Variants in PFKFB2 observed in about 807,000 individuals in gnomAD.
PFKFB2 encodes 6-phosphofructo-2-kinase/fructose-2,6-biphosphatase 2.
A neutral mutation model predicts 68.0 loss-of-function variants in PFKFB2; 53 were observed. That is an observed-to-expected ratio of 0.78 (90% CI 0.63 to 0.98). The LOEUF is 0.98. PFKFB2 is among the 50% of genes least tolerant of loss of function. PFKFB2 has a pLI of 0.00. For missense variants in PFKFB2, 451 were observed against 642.0 expected (o/e 0.70, Z 3.22); for synonymous variants, 222 against 227.6 (o/e 0.98, Z 0.22).
chr1:207,065,323 G>T, intron 8 of PFKFB2, 163 bp downstream of exon 8: 2 of 983,750 alleles, frequency 2.0e-6, no homozygotes, highest in Non-Finnish European at 2.4e-6. Flanking sequence ...TATGTGGATT[G>T]CATCTTGTAC....
chr1:207,052,090 CA>C (rs1253753101), upstream of PFKFB2: 25 of 1,025,364 alleles, frequency 2.4e-5, no homozygotes, highest in South Asian at 1.6e-4. Flanking sequence ...GGGATTCAGA[CA>C]GCAAGTCCCA....
At chr1:207,049,562 C>T (rs1402215524), upstream of PFKFB2, 6 of 1,614,024 alleles carry the variant, frequency 3.7e-6, no homozygotes, top group African/African-American at 1.3e-5. Flanking sequence ...CCTCCTTCGA[C>T]GACATAGTAC....
upstream of PFKFB2, chr1:207,051,018 C>T (rs906407342): frequency 1.3e-6 from 2 of 1,510,818 alleles, no homozygotes; most frequent in Non-Finnish European, 1.8e-6. Context: ...CGACCTTTAG[C>T]GGGGCCAAAC....
Position 207,063,693 on chromosome 1 carries a change from G to A in PFKFB2, c.451-80G>A. ...AAATCCTGGGAGATGTGGTGGCTGGGTGGGGTAGATGAGCATGTGCTCTTA... is the reference window on the plus strand; with the variant it reads ...AAATCCTGGGAGATGTGGTGGCTGGATGGGGTAGATGAGCATGTGCTCTTA... On this transcript the variant is annotated intron_variant, in intron 6 of 14. Transcript: ENST00000367080. The surrounding 1 kb of genome is among the most constrained non-coding windows in gnomAD (Gnocchi z 4.1). 1 of 1,149,916 alleles carries A rather than the reference G, an allele frequency of 8.7e-7. No homozygotes were observed. Among genetic ancestry groups the A allele is most frequent in the South Asian group, 1.2e-5 (1 of 81,432 alleles). The allele number at this position is 1,149,916 out of a possible 1,614,324, so 71.2% of individuals were successfully genotyped here. A position where few individuals can be genotyped will look rare whatever the true frequency, so the allele number is the denominator to read the frequency against.
Position 207,071,694 on chromosome 1 carries a change from T to G in PFKFB2, c.1350+121T>G, listed in dbSNP as rs569699169. The G allele has an allele frequency of 4.7e-5, 34 of 728,352 alleles. No homozygotes were observed. In the Admixed American group the frequency reaches 7.0e-4, roughly 15 times the overall value. The allele number at this position is 728,352 out of a possible 1,614,324, so 45.1% of individuals were successfully genotyped here. A position where few individuals can be genotyped will look rare whatever the true frequency, so the allele number is the denominator to read the frequency against. On this transcript the variant is annotated intron_variant, in intron 14 of 14. Transcript: ENST00000367080. ...AAGGGAAACAGATTCAGAACTTACG[T>G]CCAAATGTAGTTTGCTACGTCTGAA...
intron 8 of PFKFB2, among the ~76,000 whole-genome samples, chr1:207,066,119 C>G (rs1170630190): frequency 1.3e-5 from 2 of 152,172 alleles, no homozygotes; most frequent in Non-Finnish European, 2.9e-5. Context: ...ATGCCTGACT[C>G]AGAGAAATGT....
chr1:207,065,257 C>A (rs1202588100), intron 8 of PFKFB2, 97 bp downstream of exon 8: 1 of 1,554,026 alleles, frequency 6.4e-7, no homozygotes, highest in East Asian at 2.3e-5. Flanking sequence ...TTCTGATAAT[C>A]TAGATCTACA....
chr1:207,049,308 T>C (rs1224932954), upstream of PFKFB2: 2 of 1,614,032 alleles, frequency 1.2e-6, no homozygotes, highest in East Asian at 4.5e-5. Context: ...TGGTATATCC[T>C]GCATCTTCCC....
At chr1:207,046,927 G>C (rs1157224236) in intron 2 of PFKFB2, 2 of 152,082 alleles carry the variant, frequency 1.3e-5, no homozygotes, top group Non-Finnish European at 2.9e-5. Context: ...TAAAGCTGTA[G>C]TAAGCAAATG....
At position 207,042,549 on chromosome 1, in the gene PFKFB2, C is replaced by CAAAAAAAAAAAAAAAAAAAAA. The variant is rs57077682; in HGVS notation, c.-18+349_-18+369dup. On this transcript the variant is annotated intron_variant, in intron 2 of 5. Transcript: ENST00000545806. ...GGCGACACAGCAACACTCTGTCTCA[C>CAAAAAAAAAAAAAAAAAAAAA]AAAAAAAAAAAAAAAAAAAAAAAAA... Among the ~76,000 whole-genome samples, 25 of 44,712 alleles carry CAAAAAAAAAAAAAAAAAAAAA rather than the reference C, an allele frequency of 5.6e-4. 3 individuals carry two copies. The highest frequency in any genetic ancestry group is 5.2e-4 in the African/African-American group (7 of 13,466). The allele number at this position is 44,712 out of a possible 152,430, so 29.3% of individuals were successfully genotyped here.
chr1:207,041,572 T>C (rs373265163), intron 1 of PFKFB2, among the ~76,000 whole-genome samples: 5 of 152,252 alleles, frequency 3.3e-5, no homozygotes, highest in African/African-American at 1.2e-4. Context: ...ACTCATTCTT[T>C]TCTATGGCTG....
chr1:207,056,764 C>T (rs1217050563), intron 2 of PFKFB2, among the ~76,000 whole-genome samples: 2 of 152,158 alleles, frequency 1.3e-5, no homozygotes, highest in East Asian at 3.8e-4. Context: ...ATTCTCTCCT[C>T]ACGTCACAGT....
chr1:207,064,965 A>T, intron 7 of PFKFB2, 71 bp from the exon 8 acceptor site: 1 of 1,515,826 alleles, frequency 6.6e-7, no homozygotes, highest in Non-Finnish European at 8.9e-7. Flanking sequence ...TTTTTTTAGC[A>T]GTGGCTATTT....
chr1:207,074,507 T>C lies in PFKFB2; in HGVS notation c.*2136T>C. On this transcript the variant is annotated 3_prime_UTR_variant, in exon 15 of 15. Transcript: ENST00000367080. ...CCAGGATGATAAAGGTTGTCATCAC[T>C]GGCAACTGACTCCTGACCCCGGGTC... 1.0e-6 allele frequency: 1 copy of C among 985,422 alleles called. No homozygotes were observed. 61.0% of individuals were successfully genotyped at this position (985,422 alleles called of 1,614,324 possible).
Position 207,070,257 on chromosome 1 carries a change from GC to G in PFKFB2, c.1093-21del, listed in dbSNP as rs1184516996. On this transcript the variant is annotated intron_variant, in intron 11 of 14. Coordinates refer to ENST00000367080, the MANE Select transcript of PFKFB2 (RefSeq NM_006212.2). The surrounding 1 kb of genome is among the most constrained non-coding windows in gnomAD (Gnocchi z 4.2). Reference sequence around the variant, plus strand: ...CCAGCTTGCACCTGGGCTCCTGCCAGCCTGCCCCATTTCCCTCCACAGTCAT... The same window carrying G: ...CCAGCTTGCACCTGGGCTCCTGCCAGCTGCCCCATTTCCCTCCACAGTCAT... 3 of 1,611,964 alleles carry G rather than the reference GC, an allele frequency of 1.9e-6. No individual in the cohort carries two copies. Among genetic ancestry groups the G allele is most frequent in the Non-Finnish European group, 2.5e-6 (3 of 1,179,644 alleles).
intron 2 of PFKFB2, among the ~76,000 whole-genome samples, chr1:207,042,382 A>C (rs937915165): frequency 2.0e-5 from 3 of 151,518 alleles, no homozygotes; most frequent in Admixed American, 1.3e-4. Context: ...CCCCATTCCT[A>C]CTAAAAATAC....
chr1:207,046,847 A>G (rs953059042), intron 2 of PFKFB2: 3 of 152,250 alleles, frequency 2.0e-5, no homozygotes, highest in East Asian at 1.9e-4. Context: ...TGACAGAAAC[A>G]TATCAAAACA....
Position 207,071,272 on chromosome 1 carries a change from G to T in PFKFB2, c.1285+22G>T, listed in dbSNP as rs373832742. ...TATGGTAACTATGCACATAGGGGCT[G>T]GCAGGAGCTGGGAATTGAGGAAGGT... On this transcript the variant is annotated intron_variant, in intron 13 of 14. Transcript: ENST00000367080. The T allele has an allele frequency of 5.0e-6, 8 of 1,594,262 alleles. No individual in the cohort carries two copies. In the African/African-American group the frequency reaches 9.4e-5, roughly 19 times the overall value.
Position 207,073,867 on chromosome 1 carries a change from G to A in PFKFB2, c.*1496G>A, listed in dbSNP as rs1286509307. On this transcript the variant is annotated 3_prime_UTR_variant, in exon 15 of 15. Coordinates refer to ENST00000367080, the MANE Select transcript of PFKFB2 (RefSeq NM_006212.2). ...GAGAGGCAAGTTTAGGGTTCTCATG[G>A]GATTTTAAAAAGAGATAGGTGACTC... 1 of 985,194 alleles carries A rather than the reference G, an allele frequency of 1.0e-6. No homozygotes were observed. Among genetic ancestry groups the A allele is most frequent in the Non-Finnish European group, 1.2e-6 (1 of 829,866 alleles). 61.0% of individuals were successfully genotyped at this position (985,194 alleles called of 1,614,324 possible).
Sources: allele counts gnomAD v4.1 joint callset (sites outside exome capture counted in the v4.1 genomes callset), GRCh38; gene constraint gnomAD v4.1.1; non-coding constraint Gnocchi (gnomAD v3.1); transcripts MANE v1.5; gene names NCBI Gene and HGNC (gene_info 2026-07-23, HGNC 2026-07-21).